The following CLIC5 variants were observed in gnomAD, a reference collection of about 807,000 sequenced individuals.
The protein encoded by CLIC5 is chloride intracellular channel protein 5.
CLIC5 carries 20 observed loss-of-function variants against 24.7 expected under a neutral mutation model. The ratio of observed to expected loss-of-function variants is 0.81; its 90% CI spans 0.57 to 1.18. The LOEUF (loss-of-function observed/expected upper bound fraction) is 1.18, where lower values mean the gene tolerates loss of function less well. Ranked by LOEUF, CLIC5 falls within the 50% of genes most tolerant of loss-of-function variation. CLIC5 has a pLI of 0.00. For synonymous variants in CLIC5, 159 were observed against 135.6 expected (o/e 1.17, Z -1.20); for missense variants, 341 against 326.1 (o/e 1.05, Z -0.35).
At chr6:46,010,573 G>A (rs1278301926) in intron 1 of CLIC5, among the ~76,000 whole-genome samples, 2 of 152,180 alleles carry the variant, frequency 1.3e-5, no homozygotes, top group East Asian at 1.9e-4. Flanking sequence ...ATTGACAGAC[G>A]CTTTGTCTTG....
intron 1 of CLIC5, among the ~76,000 whole-genome samples, chr6:46,047,878 C>T (rs1767996690): frequency 6.6e-6 from 1 of 152,092 alleles, no homozygotes; most frequent in African/African-American, 2.4e-5. Context: ...ATGTTATCCA[C>T]ATAATAAAAT....
Position 45,952,724 on chromosome 6 carries a change from C to A in CLIC5, c.173+2411G>T, listed in dbSNP as rs566151392. 5.3e-5 allele frequency among the ~76,000 whole-genome samples: 8 copies of A among 152,182 alleles called. No homozygotes were observed. The South Asian group carries it at 1.7e-3, about 32-fold the overall frequency. ...TACGTCAAAGGGGTGTTGGCTGGAC[C>A]AGGTGTGATCATGTGAAGGAGGAAC... On this transcript the variant is annotated intron_variant, in intron 2 of 5. Transcript: ENST00000339561.
chr6:45,972,310 G>A (rs960326747), intron 1 of CLIC5, among the ~76,000 whole-genome samples: 4 of 152,092 alleles, frequency 2.6e-5, no homozygotes, highest in Admixed American at 1.3e-4. Context: ...CCTACTTCAC[G>A]AGTTCTCTGT....
Position 45,943,434 on chromosome 6 carries a change from C to G in CLIC5, c.300-1781G>C, listed in dbSNP as rs531412158. 1.1e-4 allele frequency among the ~76,000 whole-genome samples: 16 copies of G among 152,362 alleles called. No homozygotes were observed. The South Asian group carries it at 2.3e-3, about 22-fold the overall frequency. ...TTCATCTGCTGTGGCTGGGGGCACA[C>G]AGCAGGGCTTCCTGCAAGATACTAG... On this transcript the variant is annotated intron_variant, in intron 3 of 5. Transcript: ENST00000339561.
chr6:45,937,056 G>A (rs1561947223), intron 4 of CLIC5, among the ~76,000 whole-genome samples: 1 of 151,540 alleles, frequency 6.6e-6, no homozygotes, highest in Non-Finnish European at 1.5e-5. Context: ...TCGTCCCTCA[G>A]GGAACAAAAA....
chr6:46,098,986 G>GT, the CLIC5 span, among the ~76,000 whole-genome samples: 1 of 152,242 alleles, frequency 6.6e-6, no homozygotes, highest in Non-Finnish European at 1.5e-5. Flanking sequence ...GGCTGCGGGG[G>GT]TGGGGGTAGA....
At chr6:45,976,794 T>C (rs556336814) in intron 1 of CLIC5, among the ~76,000 whole-genome samples, 1 of 152,328 alleles carries the variant, frequency 6.6e-6, no homozygotes, top group East Asian at 1.9e-4. Context: ...TATAATGGCA[T>C]AGACCTATGA....
the CLIC5 span, among the ~76,000 whole-genome samples, chr6:46,086,056 G>A: frequency 6.6e-6 from 1 of 152,230 alleles, no homozygotes; most frequent in Non-Finnish European, 1.5e-5. Context: ...GCCATGTGTG[G>A]GATATAACCT....
intron 1 of CLIC5, among the ~76,000 whole-genome samples, chr6:45,991,987 TA>T (rs1333136147): frequency 2.0e-5 from 3 of 152,196 alleles, no homozygotes; most frequent in African/African-American, 7.2e-5. Flanking sequence ...CAAAACAACT[TA>T]TGATCATAGC....
intron 1 of CLIC5, among the ~76,000 whole-genome samples, chr6:45,994,381 A>G (rs769025693): frequency 7.2e-5 from 11 of 152,174 alleles, no homozygotes; most frequent in Non-Finnish European, 1.6e-4. Context: ...TCAGCAAACT[A>G]ACACGGGAAC....
At chr6:46,122,641 A>G in the CLIC5 span, among the ~76,000 whole-genome samples, 1 of 152,276 alleles carries the variant, frequency 6.6e-6, no homozygotes, top group African/African-American at 2.4e-5. Context: ...TGAATCCGGG[A>G]TCTGGTTTTT....
intron 4 of CLIC5, among the ~76,000 whole-genome samples, chr6:45,939,700 G>A (rs750857405): frequency 6.6e-6 from 1 of 152,066 alleles, no homozygotes; most frequent in South Asian, 2.1e-4. Context: ...GAGTACAGTG[G>A]CATAATCATA....
chr6:46,013,116 T>C (rs1194183863), intron 1 of CLIC5, among the ~76,000 whole-genome samples: 1 of 152,184 alleles, frequency 6.6e-6, no homozygotes, highest in African/African-American at 2.4e-5. Flanking sequence ...AACAAGAGGT[T>C]GGGAGGTCCT....
At chr6:46,061,480 C>T (rs1326664578) in intron 1 of CLIC5, among the ~76,000 whole-genome samples, 1 of 152,218 alleles carries the variant, frequency 6.6e-6, no homozygotes, top group African/African-American at 2.4e-5. Context: ...CGTGAGCCAC[C>T]ACGCCCAGCC....
At chr6:45,883,632 CT>C (rs1413011948) in intron 6 of CLIC5, 2 of 152,362 alleles carry the variant, frequency 1.3e-5, no homozygotes, top group Non-Finnish European at 2.9e-5. Context: ...AACACTGCCC[CT>C]GACCTCAAGT....
chr6:45,984,875 G>A (rs1441447794), intron 1 of CLIC5, among the ~76,000 whole-genome samples: 1 of 152,028 alleles, frequency 6.6e-6, no homozygotes, highest in Non-Finnish European at 1.5e-5. Context: ...GACATTCATC[G>A]AGCAGCTCTA....
At chr6:45,961,699 C>T (rs1366059202) in intron 1 of CLIC5, among the ~76,000 whole-genome samples, 1 of 151,846 alleles carries the variant, frequency 6.6e-6, no homozygotes, top group Non-Finnish European at 1.5e-5. Flanking sequence ...ATTTGGTTGG[C>T]AAGACTTCAA....
chr6:45,965,934 T>A (rs535299110), intron 1 of CLIC5, among the ~76,000 whole-genome samples: 2 of 152,228 alleles, frequency 1.3e-5, no homozygotes, highest in Non-Finnish European at 2.9e-5. Context: ...TATTGAGCTC[T>A]GCTACTCCTA....
intron 4 of CLIC5, among the ~76,000 whole-genome samples, chr6:45,919,684 A>T (rs1416167): frequency 0.26 from 40,165 of 152,156 alleles, 5,727 homozygotes; most frequent in East Asian, 0.47. Flanking sequence ...ATGGGTAAAA[A>T]TTGAGAAATA....
Sources: gnomAD v4.1 joint callset for allele counts (sites outside exome capture counted in the v4.1 genomes callset) on GRCh38, gnomAD v4.1.1 for gene constraint, MANE v1.5 for transcripts, NCBI Gene and HGNC (gene_info 2026-07-23, HGNC 2026-07-21) for gene names.